CDYL: variants seen among roughly 807,000 people sequenced by gnomAD.
The protein encoded by CDYL is chromodomain Y-like protein.
CDYL carries 8 observed loss-of-function variants against 47.3 expected under a neutral mutation model. The ratio of observed to expected loss-of-function variants is 0.17; its 90% CI spans 0.10 to 0.31. The LOEUF (loss-of-function observed/expected upper bound fraction) is 0.31. Ranked by LOEUF, CDYL falls within the 10% of genes least tolerant of loss-of-function variation. The pLI is 1.00. For synonymous variants in CDYL, 266 were observed against 265.0 expected (o/e 1.00, Z -0.04); for missense variants, 471 against 701.4 (o/e 0.67, Z 3.71).
At chr6:4,877,386 T>C (rs930705130) in intron 1 of CDYL, among the ~76,000 whole-genome samples, 4 of 152,250 alleles carry the variant, frequency 2.6e-5, no homozygotes, top group Admixed American at 2.6e-4. Flanking sequence ...ATTGCTTTTT[T>C]GTGACCTGAG....
In CDYL at chr6:4,713,589, C is replaced by CTTT. The variant is rs11375423; in HGVS notation, c.-38-2139_-38-2137dup. Among the ~76,000 whole-genome samples, 713 of 113,644 alleles carry CTTT rather than the reference C, an allele frequency of 6.3e-3. 7 individuals are homozygous for CTTT. The highest frequency in any genetic ancestry group is 0.018 in the African/African-American group (667 of 36,330). 74.6% of individuals were successfully genotyped at this position (113,644 alleles called of 152,430 possible). ...TCTTAAAACTTCTATCATTTAGATT[C>CTTT]TTTTTTTTTTTTTTTGGAGACAGAA... is the stretch of plus-strand genomic sequence containing the variant. On this transcript the variant is annotated intron_variant, in intron 1 of 8. Transcript: ENST00000328908.
Position 4,955,351 on chromosome 6 carries a change from C to T in CDYL, c.*1295C>T, listed in dbSNP as rs1482957929. 2 of 152,606 alleles carry T rather than the reference C, an allele frequency of 1.3e-5. No homozygotes were observed. The highest frequency in any genetic ancestry group is 2.9e-5 in the Non-Finnish European group (2 of 68,040). The allele number at this position is 152,606 out of a possible 1,614,324, so 9.5% of individuals were successfully genotyped here. A position where few individuals can be genotyped will look rare whatever the true frequency, so the allele number is the denominator to read the frequency against. ...TACTTAGAACTGACCACCTCCCCGG[C>T]CACGCGGAGAGCTGTACAGTGTGTA... On this transcript the variant is annotated 3_prime_UTR_variant, in exon 7 of 7. Transcript: ENST00000397588.
chr6:4,920,969 T>C (rs1026675783), intron 2 of CDYL, among the ~76,000 whole-genome samples: 2 of 148,880 alleles, frequency 1.3e-5, no homozygotes, highest in African/African-American at 5.0e-5. Context: ...GTGTGGCTTC[T>C]CAGTAACTGC....
intron 5 of CDYL, among the ~76,000 whole-genome samples, chr6:4,947,341 G>T (rs150568156): frequency 6.6e-6 from 1 of 152,288 alleles, no homozygotes; most frequent in African/African-American, 2.4e-5. Context: ...ACCCAGAAGC[G>T]CCTATACCAA....
chr6:4,953,847 C>G, intron 6 of CDYL, 51 bp from the exon 7 acceptor site: 1 of 1,558,022 alleles, frequency 6.4e-7, no homozygotes, highest in Non-Finnish European at 8.7e-7. Context: ...ACAGGGGACC[C>G]GTGTCTGCCC....
intron 1 of CDYL, among the ~76,000 whole-genome samples, chr6:4,824,389 A>G (rs1561655381): frequency 6.6e-6 from 1 of 152,142 alleles, no homozygotes; most frequent in Non-Finnish European, 1.5e-5. Flanking sequence ...GCTCGGCAGC[A>G]CTTATTTTCC....
At chr6:4,876,115 G>C (rs1210117595) in intron 1 of CDYL, among the ~76,000 whole-genome samples, 1 of 152,176 alleles carries the variant, frequency 6.6e-6, no homozygotes, top group East Asian at 1.9e-4. Context: ...TTCCCAGTCA[G>C]TTTCCCTCCC....
At chr6:4,825,064 T>C (rs913949931) in intron 1 of CDYL, among the ~76,000 whole-genome samples, 3 of 152,072 alleles carry the variant, frequency 2.0e-5, no homozygotes, top group Non-Finnish European at 4.4e-5. Context: ...AGAGACAGGG[T>C]TTTACCATGT....
At chr6:4,875,291 T>G (rs1484459704) in intron 1 of CDYL, among the ~76,000 whole-genome samples, 2 of 152,252 alleles carry the variant, frequency 1.3e-5, no homozygotes, top group African/African-American at 2.4e-5. Flanking sequence ...TTTGCTATTC[T>G]ATTTATACAT....
chr6:4,771,432 C>G (rs747714497), upstream of CDYL, among the ~76,000 whole-genome samples: 1 of 152,152 alleles, frequency 6.6e-6, no homozygotes, highest in Non-Finnish European at 1.5e-5. Flanking sequence ...GCACTTTGAA[C>G]AAGTCCCAAG....
At chr6:4,736,552 C>G (rs981106210) in intron 3 of CDYL, among the ~76,000 whole-genome samples, 1 of 152,244 alleles carries the variant, frequency 6.6e-6, no homozygotes, top group Non-Finnish European at 1.5e-5. Context: ...CAGGAGGGTG[C>G]AGGGGACATG....
intron 2 of CDYL, among the ~76,000 whole-genome samples, chr6:4,927,156 T>C (rs966700765): frequency 3.9e-5 from 6 of 152,242 alleles, no homozygotes; most frequent in Admixed American, 2.6e-4. Context: ...GCTGTTTGAA[T>C]ACCTTTTGTG....
At chr6:4,900,994 T>TC (rs985113113) in intron 2 of CDYL, among the ~76,000 whole-genome samples, 2 of 149,994 alleles carry the variant, frequency 1.3e-5, no homozygotes, top group African/African-American at 4.9e-5. Context: ...TTCAGGGTCC[T>TC]CCCCACCCCA....
chr6:4,883,708 G>T (rs1429809181), intron 1 of CDYL, among the ~76,000 whole-genome samples: 1 of 152,178 alleles, frequency 6.6e-6, no homozygotes, highest in Non-Finnish European at 1.5e-5. Flanking sequence ...GTCAGCCTAT[G>T]CCCCTATGAT....
intron 3 of CDYL, among the ~76,000 whole-genome samples, chr6:4,758,351 A>AATATATATATATATATATATAT (rs56250752): frequency 3.9e-4 from 50 of 129,062 alleles, no homozygotes; most frequent in African/African-American, 1.3e-3. Flanking sequence ...AAAATAAATA[A>AATATATATATATATATATATAT]ATATATATAT....
chr6:4,920,616 G>T (rs996148050), intron 2 of CDYL, among the ~76,000 whole-genome samples: 1 of 152,126 alleles, frequency 6.6e-6, no homozygotes. Flanking sequence ...AATCAAATTC[G>T]TTCAGTTTTA....
chr6:4,717,357 GC>G (rs1582273677), intron 2 of CDYL, among the ~76,000 whole-genome samples: 1 of 152,078 alleles, frequency 6.6e-6, no homozygotes, highest in African/African-American at 2.4e-5. Flanking sequence ...GCTGCAGCTG[GC>G]TCATCCAGGA....
chr6:4,824,892 AC>A (rs1402787368), intron 1 of CDYL, among the ~76,000 whole-genome samples: 1 of 151,820 alleles, frequency 6.6e-6, no homozygotes, highest in Non-Finnish European at 1.5e-5. Flanking sequence ...TTTCTTTGAA[AC>A]AGAGTCTCAC....
intron 3 of CDYL, among the ~76,000 whole-genome samples, chr6:4,768,880 A>T (rs1338062628): frequency 6.6e-6 from 1 of 152,226 alleles, no homozygotes; most frequent in East Asian, 1.9e-4. Context: ...CAATGTGATG[A>T]GAATGGCATT....
Sources: allele counts gnomAD v4.1 joint callset (sites outside exome capture counted in the v4.1 genomes callset), GRCh38; gene constraint gnomAD v4.1.1; transcripts MANE v1.5; gene names NCBI Gene and HGNC (gene_info 2026-07-23, HGNC 2026-07-21).